Variants in EML5 observed in about 807,000 individuals in gnomAD.
The protein encoded by EML5 is echinoderm microtubule-associated protein-like 5.
Under a neutral mutation model 250.0 loss-of-function variants are expected in EML5, and 120 were observed. That is an observed-to-expected ratio of 0.48 (90% CI 0.41 to 0.56). EML5 has a LOEUF of 0.56. Ranked by LOEUF, EML5 falls within the 20% of genes least tolerant of loss-of-function variation. EML5 has a pLI of 0.00. For synonymous variants in EML5, 771 were observed against 806.5 expected, an observed-to-expected ratio of 0.96 and a Z score of 0.75; for missense variants, 2,006 against 2,437.6, an observed-to-expected ratio of 0.82 and a Z score of 3.73.
At position 88,627,011 on chromosome 14, in the gene EML5, GTTGA is replaced by G; in HGVS notation, c.4563_4566del (p.Gln1522ValfsTer20). The G allele has an allele frequency of 6.2e-7, 1 of 1,613,780 alleles. No individual in the cohort carries two copies. Among genetic ancestry groups the G allele is most frequent in the Non-Finnish European group, 8.5e-7 (1 of 1,179,840 alleles). On this transcript the variant is annotated frameshift_variant, in exon 35 of 44. Coordinates refer to ENST00000554922, the MANE Select transcript of EML5 (RefSeq NM_183387.3). LOFTEE classifies it high-confidence loss of function. ...GGTCGGAATTCTGCCACAAAAATAC[GTTGA>G]TTGTGACCAGCTCTGCTGGCAATTT...
chr14:88,709,077 C>T (rs2093363546), intron 10 of EML5, among the ~76,000 whole-genome samples: 1 of 151,748 alleles, frequency 6.6e-6, no homozygotes, highest in South Asian at 2.1e-4. Flanking sequence ...TAAATATTTT[C>T]AATATATGGT....
chr14:88,783,791 G>A (rs1463744163), intron 1 of EML5, among the ~76,000 whole-genome samples: 1 of 152,248 alleles, frequency 6.6e-6, no homozygotes, highest in African/African-American at 2.4e-5. Flanking sequence ...CTGACTTAAT[G>A]TGCACTATAG....
At chr14:88,706,109 GAACT>G in intron 11 of EML5, 146 bp downstream of exon 11, 2 of 705,480 alleles carry the variant, frequency 2.8e-6, no homozygotes, top group Non-Finnish European at 4.4e-6. Flanking sequence ...TAAACATATA[GAACT>G]AATATTTTAA....
intron 14 of EML5, among the ~76,000 whole-genome samples, chr14:88,701,673 T>C (rs1207918809): frequency 6.6e-6 from 1 of 152,188 alleles, no homozygotes; most frequent in Non-Finnish European, 1.5e-5. Flanking sequence ...AGTTGATCCC[T>C]TTTCCACATA....
At chr14:88,732,775 A>C (rs2093780642) in intron 7 of EML5, among the ~76,000 whole-genome samples, 1 of 152,194 alleles carries the variant, frequency 6.6e-6, no homozygotes, top group Non-Finnish European at 1.5e-5. Context: ...TTCTGATCTC[A>C]GAACCAAGAT....
At chr14:88,783,494 T>C (rs571813323) in intron 1 of EML5, among the ~76,000 whole-genome samples, 7 of 151,884 alleles carry the variant, frequency 4.6e-5, no homozygotes, top group Non-Finnish European at 7.4e-5. Flanking sequence ...TCCATGCCAA[T>C]AGAAACCAAA....
intron 1 of EML5, among the ~76,000 whole-genome samples, chr14:88,754,990 A>C (rs886351034): frequency 6.6e-6 from 1 of 152,186 alleles, no homozygotes; most frequent in Admixed American, 6.5e-5. Flanking sequence ...TTTTTAGTAG[A>C]GATGGGGTTT....
chr14:88,687,888 C>T (rs1373779349), intron 18 of EML5, among the ~76,000 whole-genome samples: 1 of 152,056 alleles, frequency 6.6e-6, no homozygotes, highest in African/African-American at 2.4e-5. Flanking sequence ...CTACCCTGGG[C>T]AACATAATCT....
chr14:88,727,253 T>C (rs570531707), intron 7 of EML5, among the ~76,000 whole-genome samples: 2 of 152,272 alleles, frequency 1.3e-5, no homozygotes, highest in South Asian at 4.1e-4. Context: ...AATGTCACCA[T>C]ATGGTAATGC....
At chr14:88,706,224 A>G in intron 11 of EML5, 35 bp downstream of exon 11, 1 of 1,518,502 alleles carries the variant, frequency 6.6e-7, no homozygotes, top group Non-Finnish European at 8.8e-7. Flanking sequence ...GAATTATTTG[A>G]CAGGGAAACT....
chr14:88,649,641 T>C (rs960213347), intron 28 of EML5, among the ~76,000 whole-genome samples: 3 of 152,202 alleles, frequency 2.0e-5, no homozygotes, highest in African/African-American at 7.2e-5. Context: ...CCTCTGAAAC[T>C]TAAAGAAAAC....
chr14:88,705,829 G>A (rs2093307206), intron 11 of EML5: 5 of 628,720 alleles, frequency 8.0e-6, no homozygotes, highest in African/African-American at 1.8e-5. Flanking sequence ...CCCAATGACC[G>A]CTACATCAAA....
At chr14:88,735,999 CTT>C (rs2093833061) in intron 7 of EML5, among the ~76,000 whole-genome samples, 1 of 126,306 alleles carries the variant, frequency 7.9e-6, no homozygotes, top group African/African-American at 3.2e-5. Flanking sequence ...AGTATTTTTT[CTT>C]TCTTTTTTTT....
At position 88,726,583 on chromosome 14, in the gene EML5, G is replaced by A; in HGVS notation, c.1145C>T (p.Ala382Val). Residue 382 changes from alanine (A) to valine (V), a missense_variant, in exon 8 of 44, where the codon GCC (alanine) becomes GTC (valine). By Grantham distance (64) the Ala-to-Val change is moderately conservative. This residue lies in a region of EML5 where 1,375 missense variants were observed against 1,590.3 expected (regional missense o/e 0.86). Transcript: ENST00000554922. ...GAATGAGCCATCCTTCATTCCAAGG[G>A]CAAGATGGATTCCATCTGCATTGAC... ...AAVNADGIHLALGMKDGSFTV... is the reference protein window; with the variant it reads ...AAVNADGIHLVLGMKDGSFTV... The A allele has an allele frequency of 1.9e-6, 3 of 1,602,394 alleles. No homozygotes were observed. The highest frequency in any genetic ancestry group is 2.6e-6 in the Non-Finnish European group (3 of 1,173,814).
At position 88,649,048 on chromosome 14, in the gene EML5, G is replaced by A. The variant is rs928583872; in HGVS notation, c.4019+864C>T. On this transcript the variant is annotated intron_variant, in intron 28 of 43. Coordinates refer to ENST00000554922, the MANE Select transcript of EML5 (RefSeq NM_183387.3). ...CTTCCTCCCGCCACCCCCCACCCCC[G>A]AAACAGGGTCTTGCTGTGTTGCCCA... Among the ~76,000 whole-genome samples the A allele has an allele frequency of 2.1e-5, 3 of 141,162 alleles. No homozygotes were observed. The East Asian group carries it at 7.1e-4, about 33-fold the overall frequency. The allele number at this position is 141,162 out of a possible 152,430, so 92.6% of individuals were successfully genotyped here.
intron 1 of EML5, among the ~76,000 whole-genome samples, chr14:88,757,329 C>T (rs1336066276): frequency 2.0e-5 from 3 of 151,946 alleles, no homozygotes; most frequent in Admixed American, 2.0e-4. Context: ...AATGTCAACT[C>T]AAAATGGATC....
chr14:88,690,874 G>T (rs1421107582), intron 17 of EML5, among the ~76,000 whole-genome samples: 1 of 152,166 alleles, frequency 6.6e-6, no homozygotes, highest in African/African-American at 2.4e-5. Flanking sequence ...ATCTTCTAGA[G>T]CAGGGTGGGG....
At position 88,646,845 on chromosome 14, in the gene EML5, A is replaced by C. The variant is rs2091371067; in HGVS notation, c.4028+102T>G. On this transcript the variant is annotated intron_variant, in intron 29 of 43. Transcript: ENST00000554922. ...GAAAAAAATGTGCAAAACTGTGAAG[A>C]GAGGTAAAGAACACTAAGTAACAGT... The C allele has an allele frequency of 6.7e-5, 81 of 1,203,574 alleles. No homozygotes were observed. The South Asian group carries it at 9.4e-4, about 14-fold the overall frequency. 74.6% of individuals were successfully genotyped at this position (1,203,574 alleles called of 1,614,324 possible). A position where few individuals can be genotyped will look rare whatever the true frequency, so the allele number is the denominator to read the frequency against.
chr14:88,735,779 G>T (rs1162882559), intron 7 of EML5, among the ~76,000 whole-genome samples: 1 of 152,092 alleles, frequency 6.6e-6, no homozygotes, highest in Admixed American at 6.5e-5. Flanking sequence ...TCTTCCATCA[G>T]TAATGGATTA....
Sources: allele counts gnomAD v4.1 joint callset (sites outside exome capture counted in the v4.1 genomes callset), GRCh38; gene constraint gnomAD v4.1.1; regional missense constraint gnomAD v4.1.1; transcripts MANE v1.5; gene names NCBI Gene and HGNC (gene_info 2026-07-23, HGNC 2026-07-21).